The following CEP41 variants were observed in gnomAD, a reference collection of about 807,000 sequenced individuals.
CEP41 encodes centrosomal protein 41.
A neutral mutation model predicts 44.3 loss-of-function variants in CEP41; 32 were observed. The observed-to-expected ratio is 0.72, with a 90% CI of 0.54 to 0.97. CEP41 has a LOEUF of 0.97. Among genes scored for constraint, CEP41 ranks in the 50% least tolerant of loss-of-function variants. The pLI is 0.00. For synonymous variants in CEP41, 151 were observed against 168.5 expected, an observed-to-expected ratio of 0.90 and a Z score of 0.80; for missense variants, 432 against 455.2, an observed-to-expected ratio of 0.95 and a Z score of 0.46.
intron 1 of CEP41, among the ~76,000 whole-genome samples, chr7:130,430,114 T>C (rs911013996): frequency 9.9e-5 from 15 of 152,214 alleles, no homozygotes; most frequent in African/African-American, 3.6e-4. Flanking sequence ...ACAAACGATA[T>C]GGGATACTTT....
In CEP41 at chr7:130,394,663, C is replaced by T. The variant is rs552710808; in HGVS notation, c.*4228G>A. 28 of 454,034 alleles carry T rather than the reference C, an allele frequency of 6.2e-5. 1 individual carries two copies. Among genetic ancestry groups the T allele is most frequent in the East Asian group, 2.1e-4 (3 of 14,392 alleles). The allele number at this position is 454,034 out of a possible 1,614,324, so 28.1% of individuals were successfully genotyped here. ...GATACACAAGGGGGACAGAAGATAA[C>T]GAGCTTTCTGGGTCTCCAGAATGAC... On this transcript the variant is annotated 3_prime_UTR_variant, in exon 11 of 11. Coordinates refer to ENST00000223208, the MANE Select transcript of CEP41 (RefSeq NM_018718.3).
chr7:130,419,372 T>A (rs1797430330), intron 2 of CEP41: 1 of 985,294 alleles, frequency 1.0e-6, no homozygotes, highest in African/African-American at 1.7e-5. Context: ...TGAGAAAGTA[T>A]GAAAAGTAGC....
At chr7:130,429,726 G>A (rs1012762853) in intron 1 of CEP41, among the ~76,000 whole-genome samples, 1 of 152,188 alleles carries the variant, frequency 6.6e-6, no homozygotes, top group Non-Finnish European at 1.5e-5. Context: ...TATGTCCTCT[G>A]TAAAGCTGTC....
chr7:130,428,951 T>G (rs1797748200), intron 1 of CEP41, among the ~76,000 whole-genome samples: 1 of 150,692 alleles, frequency 6.6e-6, no homozygotes, highest in Non-Finnish European at 1.5e-5. Flanking sequence ...ATAAATAATT[T>G]CTTACATTGA....
chr7:130,439,316 C>T (rs1482192725), intron 1 of CEP41, among the ~76,000 whole-genome samples: 1 of 151,396 alleles, frequency 6.6e-6, no homozygotes, highest in Admixed American at 6.6e-5. Flanking sequence ...TATCAGGAAG[C>T]CTTCCAGTCA....
rs374111676 is a variant in CEP41 at position 130,417,272 on chromosome 7, C to T, written c.98-306G>A. 8.9e-5 allele frequency: 104 copies of T among 1,172,562 alleles called. No individual in the cohort carries two copies. In the East Asian group the frequency reaches 2.7e-3, roughly 31 times the overall value. The allele number at this position is 1,172,562 out of a possible 1,614,324, so 72.6% of individuals were successfully genotyped here. On this transcript the variant is annotated intron_variant, in intron 2 of 10. Coordinates refer to ENST00000223208, the MANE Select transcript of CEP41 (RefSeq NM_018718.3). ...TATCAGTTTGTTTTTCAAGTCTAGG[C>T]TTTCCTCCTCCTTTTATCTCCCCTG... is the stretch of plus-strand genomic sequence containing the variant.
chr7:130,432,075 C>T (rs1419637628), intron 1 of CEP41, among the ~76,000 whole-genome samples: 1 of 152,004 alleles, frequency 6.6e-6, no homozygotes, highest in Non-Finnish European at 1.5e-5. Flanking sequence ...CCAATAGTGC[C>T]TAGGTTGGTG....
In CEP41 at chr7:130,398,276, A is replaced by C. The variant is rs1554415708; in HGVS notation, c.*615T>G. ...CAGTGAGTGTACAGCTACTTTCCTCATCTTCAATTTCAGTGAGTACACAGG... is the reference window on the plus strand; with the variant it reads ...CAGTGAGTGTACAGCTACTTTCCTCCTCTTCAATTTCAGTGAGTACACAGG... On this transcript the variant is annotated 3_prime_UTR_variant, in exon 11 of 11. Coordinates refer to ENST00000223208, the MANE Select transcript of CEP41 (RefSeq NM_018718.3). The C allele has an allele frequency of 2.2e-6, 1 of 454,086 alleles. No homozygotes were observed. Among genetic ancestry groups the C allele is most frequent in the Admixed American group, 2.3e-5 (1 of 42,576 alleles). The allele number at this position is 454,086 out of a possible 1,614,324, so 28.1% of individuals were successfully genotyped here.
intron 2 of CEP41, chr7:130,421,737 G>A: frequency 8.4e-7 from 1 of 1,194,408 alleles, no homozygotes; most frequent in Non-Finnish European, 1.0e-6. Context: ...AAAGAAATTG[G>A]AAATTAGATT....
intron 2 of CEP41, chr7:130,422,026 A>G (rs73484544): frequency 1.3e-6 from 2 of 1,535,674 alleles, no homozygotes; most frequent in African/African-American, 2.7e-5. Context: ...CAAAAGAAAT[A>G]TTTGAAGTTC....
chr7:130,437,414 A>G (rs1438500895), intron 1 of CEP41, among the ~76,000 whole-genome samples: 2 of 152,068 alleles, frequency 1.3e-5, no homozygotes, highest in African/African-American at 4.8e-5. Flanking sequence ...TCAGTCACAA[A>G]GCAAGAGAAT....
At chr7:130,429,126 C>A (rs1554424486) in intron 1 of CEP41, among the ~76,000 whole-genome samples, 1 of 152,116 alleles carries the variant, frequency 6.6e-6, no homozygotes, top group Non-Finnish European at 1.5e-5. Context: ...CCTCTGGACA[C>A]CCCTGAGATT....
intron 8 of CEP41, chr7:130,401,166 G>A (rs1345962284): frequency 3.5e-6 from 1 of 289,238 alleles, no homozygotes; most frequent in Non-Finnish European, 6.7e-6. Context: ...TGCCTAATGT[G>A]TCCACTGAAG....
intron 2 of CEP41, among the ~76,000 whole-genome samples, chr7:130,418,636 C>A (rs1797408914): frequency 6.6e-6 from 1 of 152,136 alleles, no homozygotes; most frequent in Non-Finnish European, 1.5e-5. Context: ...AAAAGGAACA[C>A]CTGATTTGTC....
intron 2 of CEP41, chr7:130,419,813 A>G: frequency 1.0e-6 from 1 of 985,398 alleles, no homozygotes; most frequent in Non-Finnish European, 1.2e-6. Flanking sequence ...CATACTCGTA[A>G]GAGCTCACTC....
Position 130,395,840 on chromosome 7 carries a change from C to A in CEP41, c.*3051G>T, listed in dbSNP as rs1796641111. 1 of 452,490 alleles carries A rather than the reference C, an allele frequency of 2.2e-6. No homozygotes were observed. The highest frequency in any genetic ancestry group is 1.6e-5 in the South Asian group (1 of 64,308). The allele number at this position is 452,490 out of a possible 1,614,324, so 28.0% of individuals were successfully genotyped here. On this transcript the variant is annotated 3_prime_UTR_variant, in exon 11 of 11. Transcript: ENST00000223208. Reference sequence around the variant, plus strand: ...TCTTTTCATTCGGATTTATACCAAGCCCAATATGATCGTGCTGGTCCTGGC... The same window carrying A: ...TCTTTTCATTCGGATTTATACCAAGACCAATATGATCGTGCTGGTCCTGGC...
In CEP41 at chr7:130,416,908, G is replaced by A; in HGVS notation, c.145+11C>T. On this transcript the variant is annotated intron_variant, in intron 3 of 10. Transcript: ENST00000223208. The stretch of plus-strand genomic sequence containing the variant: ...CTTCCACTCTCCCAAACCATCAAGA[G>A]TGTTACTTACTTTTCTTAATCTCTT... 1.3e-6 allele frequency: 2 copies of A among 1,577,610 alleles called. No homozygotes were observed. The highest frequency in any genetic ancestry group is 1.1e-5 in the South Asian group (1 of 90,316).
chr7:130,398,761 A>AAG lies in CEP41; in HGVS notation c.*128_*129dup. 9.2e-7 allele frequency: 1 copy of AAG among 1,090,516 alleles called. No individual in the cohort carries two copies. Among genetic ancestry groups the AAG allele is most frequent in the South Asian group, 1.2e-5 (1 of 80,110 alleles). The allele number at this position is 1,090,516 out of a possible 1,614,324, so 67.6% of individuals were successfully genotyped here. On this transcript the variant is annotated 3_prime_UTR_variant, in exon 11 of 11. Transcript: ENST00000223208. Reference sequence around the variant, plus strand: ...AGAGGAACTGGAGACAGGGACAGGGAAGAGGCCTATCCCATACATATGTCA... The same window carrying AAG: ...AGAGGAACTGGAGACAGGGACAGGGAAGAGAGGCCTATCCCATACATATGTCA...
rs782352855 is a variant in CEP41 at position 130,402,665 on chromosome 7, T to C, written c.557A>G (p.Gln186Arg). Residue 186 changes from glutamine (Q) to arginine (R), a missense_variant, in exon 7 of 11, where the codon CAG (glutamine) becomes CGG (arginine). Gln to Arg is a conservative substitution (Grantham distance 43). Coordinates refer to ENST00000223208, the MANE Select transcript of CEP41 (RefSeq NM_018718.3). The part of the protein sequence containing the change: ...LDVRDRDSYQ[Q>R]CHIVGAYSYP... ...TCTCTTACCTCCAACAATGTGGCAC[T>C]GCTGGTAAGAATCTCTATCACGCAC... is the stretch of plus-strand genomic sequence containing the variant. 2 of 1,614,042 alleles carry C rather than the reference T, an allele frequency of 1.2e-6. No individual in the cohort carries two copies. The highest frequency in any genetic ancestry group is 1.7e-6 in the Non-Finnish European group (2 of 1,180,010).
Sources: gnomAD v4.1 joint callset for allele counts (sites outside exome capture counted in the v4.1 genomes callset) on GRCh38, gnomAD v4.1.1 for gene constraint, MANE v1.5 for transcripts, NCBI Gene and HGNC (gene_info 2026-07-23, HGNC 2026-07-21) for gene names.